DHODH: variants seen among roughly 807,000 people sequenced by gnomAD.
The protein encoded by DHODH is dihydroorotate dehydrogenase (quinone), mitochondrial.
DHODH carries 30 observed loss-of-function variants against 39.7 expected under a neutral mutation model. The ratio of observed to expected loss-of-function variants is 0.76; its 90% confidence interval spans 0.57 to 1.02. The LOEUF (loss-of-function observed/expected upper bound fraction) is 1.02, where lower values mean the gene tolerates loss of function less well. DHODH is among the 50% of genes least tolerant of loss of function. The probability of loss-of-function intolerance (pLI) is 0.00; values close to 1 mark genes in which losing one functional copy is unlikely to be tolerated. For synonymous variants in DHODH, 222 were observed against 213.8 expected (o/e 1.04, Z -0.34); for missense variants, 531 against 520.8 (o/e 1.02, Z -0.19).
At chr16:72,020,416 C>T (rs1597396866) in intron 4 of DHODH, 1 of 135,970 alleles carries the variant, frequency 7.4e-6, no homozygotes, top group Admixed American at 8.0e-5. Context: ...TTGCTCTGCT[C>T]CTTAGGCTGG....
intron 2 of DHODH, among the ~76,000 whole-genome samples, chr16:72,012,634 C>T (rs537932566): frequency 7.2e-5 from 11 of 152,328 alleles, no homozygotes; most frequent in Middle Eastern, 3.4e-3. Flanking sequence ...GCTGGCTTCC[C>T]GCCCCTTGGC....
chr16:72,018,725 C>T (rs974708463), intron 4 of DHODH, among the ~76,000 whole-genome samples: 6 of 152,152 alleles, frequency 3.9e-5, no homozygotes, highest in Admixed American at 6.5e-5. Flanking sequence ...AAGGAACACG[C>T]GTTGACAAAA....
chr16:72,026,382 CTGCCTTTT>C lies in DHODH; in HGVS notation c.*2185_*2192del, dbSNP rs2041276578. Reference sequence around the variant, plus strand: ...CCCTTGGAAGGTTCTCCACGGAAGACTGCCTTTTTTTTTTTTGAGATGGAGTCTCGCTG... The same window carrying C: ...CCCTTGGAAGGTTCTCCACGGAAGACTTTTTTTTGAGATGGAGTCTCGCTG... On this transcript the variant is annotated 3_prime_UTR_variant, in exon 9 of 9. Transcript: ENST00000219240. 1 of 149,908 alleles carries C rather than the reference CTGCCTTTT, an allele frequency of 6.7e-6. No homozygotes were observed. Among genetic ancestry groups the C allele is most frequent in the African/African-American group, 2.4e-5 (1 of 41,178 alleles). The allele number at this position is 149,908 out of a possible 1,614,324, so 9.3% of individuals were successfully genotyped here. A position where few individuals can be genotyped will look rare whatever the true frequency, so the allele number is the denominator to read the frequency against.
chr16:72,021,291 C>G lies in DHODH; in HGVS notation c.685C>G (p.Leu229Val), dbSNP rs770187150. ...GLRSLQGKAE[L>V]RRLLTKVLQE... Reference sequence around the variant, plus strand: ...GCGGAGCCTTCAGGGAAAGGCCGAGCTGCGCCGCCTGCTGACCAAGGTGGG... The same window carrying G: ...GCGGAGCCTTCAGGGAAAGGCCGAGGTGCGCCGCCTGCTGACCAAGGTGGG... Residue 229 changes from leucine to valine, a missense_variant, in exon 5 of 9, where the codon CTG becomes GTG. By Grantham distance (32) the Leu-to-Val change is conservative. Transcript: ENST00000219240. 1 of 1,608,380 alleles carries G rather than the reference C, an allele frequency of 6.2e-7. No homozygotes were observed. The highest frequency in any genetic ancestry group is 1.7e-5 in the Admixed American group (1 of 59,546).
chr16:72,015,052 A>G (rs1203740195), intron 3 of DHODH, among the ~76,000 whole-genome samples: 1 of 152,236 alleles, frequency 6.6e-6, no homozygotes, highest in African/African-American at 2.4e-5. Context: ...TGTGAGCCCC[A>G]TATGTAATTT....
chr16:72,017,380 C>T (rs537726145), intron 4 of DHODH, among the ~76,000 whole-genome samples: 4 of 152,152 alleles, frequency 2.6e-5, no homozygotes, highest in Non-Finnish European at 2.9e-5. Flanking sequence ...CGAAGCAAAG[C>T]GGCTGGGCAA....
At chr16:72,014,092 G>C (rs974065563) in intron 2 of DHODH, among the ~76,000 whole-genome samples, 1 of 152,140 alleles carries the variant, frequency 6.6e-6, no homozygotes, top group African/African-American at 2.4e-5. Context: ...TCTAGGGCCT[G>C]ACACCAGCGA....
At chr16:72,014,975 A>C (rs1349661044) in intron 3 of DHODH, among the ~76,000 whole-genome samples, 1 of 152,132 alleles carries the variant, frequency 6.6e-6, no homozygotes, top group Non-Finnish European at 1.5e-5. Context: ...ATTGGACTTG[A>C]GAGTTTGTGC....
At chr16:72,021,367 C>T in intron 5 of DHODH, 56 bp downstream of exon 5, 1 of 1,533,656 alleles carries the variant, frequency 6.5e-7, no homozygotes, top group South Asian at 1.2e-5. Context: ...CCACCTGCTC[C>T]CCTTCATTCT....
In DHODH at chr16:72,012,070, G is replaced by T; in HGVS notation, c.42G>T (p.Val14=). ...RHLKKRAQDA[V]IILGGGGLLF... ...TGCAGAAGCGGGCCCAGGATGCTGT[G>T]ATCATCCTGGGGGGAGGAGGACTTC... The change falls in exon 2 of 9, where the codon GTG becomes GTT. Residue 14 remains valine, a synonymous_variant. Coordinates refer to ENST00000219240, the MANE Select transcript of DHODH (RefSeq NM_001361.5). The T allele has an allele frequency of 6.2e-7, 1 of 1,614,116 alleles. No homozygotes were observed. The highest frequency in any genetic ancestry group is 1.1e-5 in the South Asian group (1 of 91,076).
chr16:72,024,270 A>C lies in DHODH; in HGVS notation c.*71A>C. ...TCAGGCAAGCCTTTGTGGCTGGATC[A>C]TGAGAGGAGGGACTCCATCTTGAGC... On this transcript the variant is annotated 3_prime_UTR_variant, in exon 9 of 9. Transcript: ENST00000219240. The C allele has an allele frequency of 4.3e-5, 66 of 1,538,750 alleles. No individual in the cohort carries two copies. Among genetic ancestry groups the C allele is most frequent in the Non-Finnish European group, 5.4e-5 (60 of 1,113,288 alleles).
chr16:72,012,327 C>A, intron 2 of DHODH, 65 bp downstream of exon 2: 2 of 1,444,520 alleles, frequency 1.4e-6, no homozygotes, highest in East Asian at 2.3e-5. Context: ...CTAAACTTCT[C>A]AGCTGGGACT....
At position 72,025,455 on chromosome 16, in the gene DHODH, G is replaced by T. The variant is rs2041268507; in HGVS notation, c.*1256G>T. 1 of 152,146 alleles carries T rather than the reference G, an allele frequency of 6.6e-6. No individual in the cohort carries two copies. Among genetic ancestry groups the T allele is most frequent in the Admixed American group, 6.6e-5 (1 of 15,252 alleles). 9.4% of individuals were successfully genotyped at this position (152,146 alleles called of 1,614,324 possible). A position where few individuals can be genotyped will look rare whatever the true frequency, so the allele number is the denominator to read the frequency against. On this transcript the variant is annotated 3_prime_UTR_variant, in exon 9 of 9. Coordinates refer to ENST00000219240, the MANE Select transcript of DHODH (RefSeq NM_001361.5). Reference sequence around the variant, plus strand: ...TTCTTATGTGGCATGGTTCATGCTGGGCCTCGGTCTTTTGAGTGGGGTCTG... The same window carrying T: ...TTCTTATGTGGCATGGTTCATGCTGTGCCTCGGTCTTTTGAGTGGGGTCTG...
At position 72,024,113 on chromosome 16, in the gene DHODH, T is replaced by G. The variant is rs113617640; in HGVS notation, c.1134-32T>G. 27,076 of 1,613,730 alleles carry G rather than the reference T, an allele frequency of 0.017. 316 individuals carry two copies. The highest frequency in any genetic ancestry group is 0.02 in the Non-Finnish European group (23,459 of 1,179,612). ...AGAGCAGGGCCTGTTCTCCACTGTTTGCTGAAATTGCTTTGTTTGCTCTTT... is the reference window on the plus strand; with the variant it reads ...AGAGCAGGGCCTGTTCTCCACTGTTGGCTGAAATTGCTTTGTTTGCTCTTT... On this transcript the variant is annotated intron_variant, in intron 8 of 8. Transcript: ENST00000219240.
chr16:72,020,444 A>T (rs1203478897), intron 4 of DHODH: 2 of 147,484 alleles, frequency 1.4e-5, no homozygotes, highest in Non-Finnish European at 3.0e-5. Context: ...TGGCGCGATC[A>T]CGGTTCATTG....
At position 72,026,296 on chromosome 16, in the gene DHODH, T is replaced by C. The variant is rs1279679685; in HGVS notation, c.*2097T>C. The C allele has an allele frequency of 6.6e-6, 1 of 152,294 alleles. No homozygotes were observed. Among genetic ancestry groups the C allele is most frequent in the East Asian group, 1.9e-4 (1 of 5,192 alleles). 9.4% of individuals were successfully genotyped at this position (152,294 alleles called of 1,614,324 possible). On this transcript the variant is annotated 3_prime_UTR_variant, in exon 9 of 9. Transcript: ENST00000219240. ...CCTTGCTCTGTCCCACCTAATAGCTTCAGGACTGAACAATTCAGGAAAGGG... is the reference window on the plus strand; with the variant it reads ...CCTTGCTCTGTCCCACCTAATAGCTCCAGGACTGAACAATTCAGGAAAGGG...
In DHODH at chr16:72,017,103, G is replaced by C; in HGVS notation, c.514G>C (p.Glu172Gln). The C allele has an allele frequency of 6.2e-7, 1 of 1,614,092 alleles. No homozygotes were observed. Among genetic ancestry groups the C allele is most frequent in the Non-Finnish European group, 8.5e-7 (1 of 1,179,960 alleles). ...ARQQKQAKLT[E>Q]DGLPLGVNLG... is the part of the protein sequence containing the mutation. ...ACAGCAGAAGCAGGCCAAGCTCACA[G>C]AAGGTAAAGTGGGGTTGTGTCAGTG... The change falls in exon 4 of 9, where the codon GAA (glutamate) becomes CAA (glutamine). Residue 172 changes from glutamate to glutamine, a missense_variant. Transcript: ENST00000219240.
chr16:72,016,940 T>TTTTTTTTGAAAAAGTC, intron 3 of DHODH, 84 bp from the exon 4 acceptor site: 1 of 1,300,966 alleles, frequency 7.7e-7, no homozygotes, highest in Non-Finnish European at 1.1e-6. Context: ...TTTTTTTTTC[T>TTTTTTTTGAAAAAGTC]CTTGTTTGAA....
At chr16:72,022,286 C>T (rs752212492) in intron 5 of DHODH, 76 bp from the exon 6 acceptor site, 19 of 1,063,392 alleles carry the variant, frequency 1.8e-5, no homozygotes, top group Non-Finnish European at 2.5e-5. Context: ...AACCCACTGA[C>T]CTGCAGCGTA....
Sources: gnomAD v4.1 joint callset for allele counts (sites outside exome capture counted in the v4.1 genomes callset) on GRCh38, gnomAD v4.1.1 for gene constraint, MANE v1.5 for transcripts, NCBI Gene and HGNC (gene_info 2026-07-23, HGNC 2026-07-21) for gene names.